The following ST6GAL1 variants were observed in gnomAD, a reference collection of about 807,000 sequenced individuals.
ST6GAL1 encodes beta-galactoside alpha-2,6-sialyltransferase 1.
Under a neutral mutation model 38.0 loss-of-function variants are expected in ST6GAL1, and 20 were observed. The ratio of observed to expected loss-of-function variants is 0.53; its 90% CI spans 0.37 to 0.77. The LOEUF is 0.77. Among genes scored for constraint, ST6GAL1 ranks in the 30% least tolerant of loss-of-function variants. The pLI, the probability that ST6GAL1 is intolerant of heterozygous loss-of-function variation, is 0.00. For missense variants in ST6GAL1, 432 were observed against 496.4 expected (o/e 0.87, Z 1.23); for synonymous variants, 196 against 188.2 (o/e 1.04, Z -0.34).
intron 2 of ST6GAL1, among the ~76,000 whole-genome samples, chr3:187,032,395 C>A (rs947109923): frequency 1.3e-5 from 2 of 152,150 alleles, no homozygotes; most frequent in Non-Finnish European, 2.9e-5. Flanking sequence ...TGACTGCCCA[C>A]AGTGTTTTCT....
chr3:187,004,705 T>G (rs1716726138), intron 2 of ST6GAL1, among the ~76,000 whole-genome samples: 1 of 152,242 alleles, frequency 6.6e-6, no homozygotes, highest in South Asian at 2.1e-4. Flanking sequence ...CAGTCATATG[T>G]GACATCCCAG....
intron 2 of ST6GAL1, among the ~76,000 whole-genome samples, chr3:186,991,608 G>C (rs1180833084): frequency 6.6e-6 from 1 of 152,094 alleles, no homozygotes; most frequent in Non-Finnish European, 1.5e-5. Context: ...CTCTCCCAAG[G>C]GTTTATCTCC....
At chr3:187,055,239 CAA>C (rs57686263) in intron 5 of ST6GAL1, among the ~76,000 whole-genome samples, 42,978 of 145,466 alleles carry the variant, frequency 0.3, 7,066 homozygotes, top group East Asian at 0.39. Flanking sequence ...TTGATCTTTT[CAA>C]AAAAAAAAAA....
chr3:186,983,422 TGA>T (rs948244868), intron 2 of ST6GAL1, among the ~76,000 whole-genome samples: 2 of 152,124 alleles, frequency 1.3e-5, no homozygotes, highest in African/African-American at 4.8e-5. Flanking sequence ...AGAAATATTC[TGA>T]GAGTAGAAAA....
intron 2 of ST6GAL1, among the ~76,000 whole-genome samples, chr3:187,038,197 CTTTT>C (rs1185371884): frequency 3.4e-5 from 3 of 88,600 alleles, no homozygotes; most frequent in East Asian, 2.9e-4. Flanking sequence ...AAGTCTATTT[CTTTT>C]TTTTTTTTTT....
At chr3:187,026,260 G>A (rs186903724) in intron 2 of ST6GAL1, among the ~76,000 whole-genome samples, 66 of 152,286 alleles carry the variant, frequency 4.3e-4, no homozygotes, top group East Asian at 9.6e-4. Context: ...GTTGGTTCCC[G>A]CTTGATAGAG....
intron 2 of ST6GAL1, among the ~76,000 whole-genome samples, chr3:187,022,394 A>G (rs527623487): frequency 1.4e-4 from 21 of 152,274 alleles, no homozygotes; most frequent in Middle Eastern, 3.4e-3. Context: ...GAGGGGCCTT[A>G]CAAGTCTTAA....
intron 1 of ST6GAL1, among the ~76,000 whole-genome samples, chr3:186,932,724 G>A (rs1291979383): frequency 1.3e-5 from 2 of 151,222 alleles, no homozygotes; most frequent in Admixed American, 6.6e-5. Context: ...ACTTGTGGGA[G>A]AACAAAGCAT....
chr3:187,013,875 G>A (rs966977280), intron 2 of ST6GAL1, among the ~76,000 whole-genome samples: 1 of 152,172 alleles, frequency 6.6e-6, no homozygotes, highest in Non-Finnish European at 1.5e-5. Context: ...ATGAGCCACC[G>A]CACCCGGCCG....
chr3:187,015,695 TG>T, intron 2 of ST6GAL1, among the ~76,000 whole-genome samples: 1 of 152,036 alleles, frequency 6.6e-6, no homozygotes, highest in East Asian at 1.9e-4. Context: ...AAAAATTAGA[TG>T]GGTGTCGTGG....
rs765868582 is a variant in ST6GAL1, at chr3:187,030,379, T to C, written c.-182-8363T>C. Among the ~76,000 whole-genome samples, 19 of 152,348 alleles carry C rather than the reference T, an allele frequency of 1.2e-4. 1 individual carries two copies. Among genetic ancestry groups the C allele is most frequent in the Middle Eastern group, 3.4e-3 (1 of 294 alleles). The stretch of plus-strand genomic sequence containing the variant: ...CAACAAGTGTTAGAGGTTCACCATC[T>C]GAGTCTATGTGGCTCCAGTGAGTAG... On this transcript the variant is annotated intron_variant, in intron 2 of 7. Coordinates refer to ENST00000169298, the MANE Select transcript of ST6GAL1 (RefSeq NM_173216.2).
At chr3:186,976,096 C>G (rs887802710) in intron 2 of ST6GAL1, among the ~76,000 whole-genome samples, 4 of 152,216 alleles carry the variant, frequency 2.6e-5, no homozygotes, top group East Asian at 1.9e-4. Context: ...GACCACAGAT[C>G]AAACTCACCT....
intron 1 of ST6GAL1, among the ~76,000 whole-genome samples, chr3:186,945,228 C>G (rs566632351): frequency 2.0e-5 from 3 of 151,820 alleles, no homozygotes; most frequent in Non-Finnish European, 2.9e-5. Context: ...GGATCCCTTG[C>G]CCAGGAGCTC....
At chr3:187,025,773 C>T (rs557756996) in intron 2 of ST6GAL1, among the ~76,000 whole-genome samples, 3 of 152,222 alleles carry the variant, frequency 2.0e-5, no homozygotes, top group African/African-American at 4.8e-5. Context: ...TAATCAGTTC[C>T]GAGTGGTTGG....
intron 1 of ST6GAL1, among the ~76,000 whole-genome samples, chr3:186,934,912 G>A (rs978649253): frequency 3.3e-5 from 5 of 151,892 alleles, no homozygotes; most frequent in Non-Finnish European, 7.4e-5. Context: ...GACTACAGGT[G>A]CCCGCCACCA....
chr3:187,010,604 T>C (rs1293848886), intron 2 of ST6GAL1, among the ~76,000 whole-genome samples: 1 of 152,164 alleles, frequency 6.6e-6, no homozygotes, highest in Non-Finnish European at 1.5e-5. Flanking sequence ...CTGAATTGAC[T>C]CTCCCTTAGC....
rs528977363 is a variant in ST6GAL1 at position 187,001,881 on chromosome 3, G to A, written c.-182-36861G>A. Among the ~76,000 whole-genome samples the A allele has an allele frequency of 2.9e-4, 44 of 151,678 alleles. No individual in the cohort carries two copies. The South Asian group carries it at 7.5e-3, about 26-fold the overall frequency. ...TGAGGCAGGAGAATTGCTTGAACCC[G>A]GGAGGCGGAGGTTGCAGTGAGCCGA... On this transcript the variant is annotated intron_variant, in intron 2 of 7. Transcript: ENST00000169298.
chr3:187,073,315 T>G (rs1239339689), intron 6 of ST6GAL1: 1 of 187,594 alleles, frequency 5.3e-6, no homozygotes, highest in Non-Finnish European at 1.1e-5. Flanking sequence ...ACACTTTTAT[T>G]TCACACTTCC....
chr3:187,035,433 T>C, intron 2 of ST6GAL1, among the ~76,000 whole-genome samples: 1 of 150,920 alleles, frequency 6.6e-6, no homozygotes, highest in Admixed American at 6.6e-5. Flanking sequence ...CAAAAAAGAG[T>C]ACAAATAACT....
Sources: allele counts gnomAD v4.1 joint callset (sites outside exome capture counted in the v4.1 genomes callset), GRCh38; gene constraint gnomAD v4.1.1; transcripts MANE v1.5; gene names NCBI Gene and HGNC (gene_info 2026-07-23, HGNC 2026-07-21).